SAT1: variants seen among roughly 807,000 people sequenced by gnomAD.
SAT1 encodes the protein diamine acetyltransferase 1.
A neutral mutation model predicts 14.7 loss-of-function variants in SAT1; 1 was observed. The ratio of observed to expected loss-of-function variants is 0.07; its 90% CI spans 0.02 to 0.32. The LOEUF (loss-of-function observed/expected upper bound fraction) is 0.32, where lower values mean the gene tolerates loss of function less well. SAT1 is among the 10% of genes least tolerant of loss of function. SAT1 has a pLI of 1.00. For missense variants in SAT1, 77 were observed against 129.1 expected (o/e 0.60, Z 1.96); for synonymous variants, 67 against 46.1 (o/e 1.45, Z -1.84).
chrX:23,783,726 G>C lies in SAT1; in HGVS notation c.118+17G>C, dbSNP rs781758000. 2.5e-6 allele frequency: 3 copies of C among 1,208,305 alleles called. No homozygotes were observed. The highest frequency in any genetic ancestry group is 3.4e-6 in the Non-Finnish European group (3 of 892,908). On this transcript the variant is annotated intron_variant, in intron 2 of 5. Transcript: ENST00000379270. ...CTGAAAAAGGTAATTCAACAGTGGC[G>C]GGACGGGGGACAAGCGTTCGGTGCC...
rs1257057710 is a variant in SAT1, at chrX:23,785,105, T to C, written c.203-223T>C. The C allele has an allele frequency of 9.4e-6, 4 of 426,683 alleles. No homozygotes were observed. In the African/African-American group the frequency reaches 9.9e-5, roughly 11 times the overall value. The allele number at this position is 426,683 out of a possible 1,213,427, so 35.2% of individuals were successfully genotyped here. ...CAGTTGTAGCCTGACTTCAGTGAGT[T>C]CTGATGTGTGCTTTTTGCAAATACA... On this transcript the variant is annotated intron_variant, in intron 3 of 5. Transcript: ENST00000379270.
chrX:23,784,146 AT>A, intron 3 of SAT1: 1 of 1,023,018 alleles, frequency 9.8e-7, no homozygotes, highest in Non-Finnish European at 1.3e-6. Flanking sequence ...TTAAGTAAGT[AT>A]AAGTGCTGTG....
At chrX:23,784,521 T>G (rs1270919053) in intron 3 of SAT1, 1 of 123,487 alleles carries the variant, frequency 8.1e-6, no homozygotes, top group Non-Finnish European at 1.5e-5. Flanking sequence ...TTGAAACCTT[T>G]GCCTCCATTT....
At chrX:23,783,579 C>CCAAAACCG in intron 1 of SAT1, 79 bp from the exon 2 acceptor site, 1 of 770,320 alleles carries the variant, frequency 1.3e-6, no homozygotes, top group Non-Finnish European at 1.9e-6. Flanking sequence ...CCGCCCGCCC[C>CCAAAACCG]ATTCCGTTCC....
intron 1 of SAT1, 91 bp from the exon 2 acceptor site, chrX:23,783,563 CCCCG>C (rs1569213511): frequency 3.7e-5 from 23 of 623,816 alleles, no homozygotes; most frequent in African/African-American, 1.1e-4. Flanking sequence ...TCGGCCGCCA[CCCCG>C]CCCGCCCGCC....
rs1165094070 is a variant in SAT1, at chrX:23,785,508, C to G, written c.305-12C>G. Reference sequence around the variant, plus strand: ...TTACAATGACTTTTTAAATTGTACTCTTTCTTTTTAGGCTTTGGCATAGGA... The same window carrying G: ...TTACAATGACTTTTTAAATTGTACTGTTTCTTTTTAGGCTTTGGCATAGGA... On this transcript the variant is annotated splice_polypyrimidine_tract_variant and intron_variant, in intron 4 of 5. Transcript: ENST00000379270. The G allele has an allele frequency of 2.5e-6, 3 of 1,203,257 alleles. No homozygotes were observed. Among genetic ancestry groups the G allele is most frequent in the Non-Finnish European group, 3.4e-6 (3 of 888,895 alleles).
rs1464363741 is a variant in SAT1 at position 23,785,356 on chromosome X, C to G, written c.231C>G (p.Tyr77Ter). ...ACAGCATTGTTGGTTTTGCCATGTA[C>G]TATTTTACCTATGACCCGTGGATTG... is the stretch of plus-strand genomic sequence containing the variant. Reference protein sequence around the residue: ...EGHSIVGFAMYYFTYDPWIGK... With the variant: ...EGHSIVGFAM Residue 77 changes from tyrosine to a stop codon, truncating the protein, a stop_gained, in exon 4 of 6, where the codon TAC becomes TAG. Coordinates refer to ENST00000379270, the MANE Select transcript of SAT1 (RefSeq NM_002970.4). LOFTEE classifies it high-confidence loss of function. 8.3e-7 allele frequency: 1 copy of G among 1,204,708 alleles called. No homozygotes were observed. The highest frequency in any genetic ancestry group is 1.1e-6 in the Non-Finnish European group (1 of 890,042).
At chrX:23,784,462 C>A in intron 3 of SAT1, 2 of 247,292 alleles carry the variant, frequency 8.1e-6, no homozygotes, top group Non-Finnish European at 1.1e-5. Flanking sequence ...CTATGATACT[C>A]GCTTCCTGTC....
intron 3 of SAT1, 101 bp downstream of exon 3, chrX:23,783,984 G>A (rs1922615061): frequency 1.7e-6 from 2 of 1,184,876 alleles, no homozygotes; most frequent in Non-Finnish European, 2.3e-6. Flanking sequence ...AAGTTACTGA[G>A]AACTTGGACA....
Position 23,785,374 on chromosome X carries a change from G to A in SAT1, c.249G>A (p.Pro83=), listed in dbSNP as rs369343665. The A allele has an allele frequency of 8.4e-5, 101 of 1,207,484 alleles. No homozygotes were observed. The highest frequency in any genetic ancestry group is 6.7e-4 in the South Asian group (38 of 56,832). ...GFAMYYFTYD[P]WIGKLLYLED... ...CCATGTACTATTTTACCTATGACCC[G>A]TGGATTGGCAAGTTATTGTATCTTG... is the stretch of plus-strand genomic sequence containing the variant. The change falls in exon 4 of 6, where the codon CCG becomes CCA. Residue 83 remains proline (P), a synonymous_variant. Transcript: ENST00000379270.
Position 23,785,572 on chromosome X carries a change from T to G in SAT1, c.345+12T>G. ...AGAATCTAAGCCAGGTATGTCTTAGTTTTTGGTTTCCAAATTTGTAAGTTT... is the reference window on the plus strand; with the variant it reads ...AGAATCTAAGCCAGGTATGTCTTAGGTTTTGGTTTCCAAATTTGTAAGTTT... On this transcript the variant is annotated intron_variant, in intron 5 of 5. Coordinates refer to ENST00000379270, the MANE Select transcript of SAT1 (RefSeq NM_002970.4). 2 of 1,201,757 alleles carry G rather than the reference T, an allele frequency of 1.7e-6. No individual in the cohort carries two copies. The highest frequency in any genetic ancestry group is 2.3e-6 in the Non-Finnish European group (2 of 886,876).
chrX:23,783,777 G>T (rs1404253236), intron 2 of SAT1, 23 bp from the exon 3 acceptor site: 3 of 1,211,116 alleles, frequency 2.5e-6, no homozygotes, highest in African/African-American at 3.5e-5. Flanking sequence ...GGCCATTACC[G>T]CCCCTGCTCC....
At chrX:23,783,582 T>TCCCTTC in intron 1 of SAT1, 76 bp from the exon 2 acceptor site, 10 of 531,847 alleles carry the variant, frequency 1.9e-5, no homozygotes, top group African/African-American at 2.4e-5. Flanking sequence ...CCCGCCCCAT[T>TCCCTTC]CCGTTCCCCT....
intron 5 of SAT1, 30 bp downstream of exon 5, chrX:23,785,590 G>GT: frequency 1.7e-6 from 2 of 1,194,372 alleles, no homozygotes; most frequent in South Asian, 1.8e-5. Flanking sequence ...TTCCAAATTT[G>GT]TAAGTTTACT....
chrX:23,783,578 C>T, intron 1 of SAT1, 80 bp from the exon 2 acceptor site: 2 of 761,164 alleles, frequency 2.6e-6, no homozygotes, highest in Non-Finnish European at 3.8e-6. Flanking sequence ...CCCGCCCGCC[C>T]CATTCCGTTC....
chrX:23,785,401 G>A lies in SAT1; in HGVS notation c.276G>A (p.Glu92=), dbSNP rs768149528. The A allele has an allele frequency of 1.7e-5, 21 of 1,202,256 alleles. No homozygotes were observed. The highest frequency in any genetic ancestry group is 2.4e-5 in the Non-Finnish European group (21 of 887,935). ...GGATTGGCAAGTTATTGTATCTTGA[G>A]GACTTCTTCGTGATGAGTGATTATA... is the stretch of plus-strand genomic sequence containing the variant. ...DPWIGKLLYL[E]DFFVMSDYRG... is the part of the protein sequence containing the mutation. Residue 92 remains glutamate, a synonymous_variant, in exon 4 of 6, where the codon GAG becomes GAA. Transcript: ENST00000379270.
intron 3 of SAT1, 147 bp downstream of exon 3, chrX:23,784,030 A>T (rs745565799): frequency 1.2e-6 from 1 of 849,244 alleles, no homozygotes; most frequent in Non-Finnish European, 1.6e-6. Flanking sequence ...ACTACTGAGG[A>T]AAAAAAAAAA....
intron 3 of SAT1, chrX:23,784,154 T>C: frequency 2.0e-6 from 2 of 979,477 alleles, no homozygotes; most frequent in East Asian, 3.7e-5. Flanking sequence ...GTATAAGTGC[T>C]GTGGAGACCC....
Position 23,783,719 on chromosome X carries a change from CA to C in SAT1, c.118+11del. 2 of 1,209,662 alleles carry C rather than the reference CA, an allele frequency of 1.7e-6. No individual in the cohort carries two copies. Among genetic ancestry groups the C allele is most frequent in the Non-Finnish European group, 2.2e-6 (2 of 893,967 alleles). On this transcript the variant is annotated intron_variant, in intron 2 of 5. Transcript: ENST00000379270. Reference sequence around the variant, plus strand: ...ATCTTAACTGAAAAAGGTAATTCAACAGTGGCGGGACGGGGGACAAGCGTTC... The same window carrying C: ...ATCTTAACTGAAAAAGGTAATTCAACGTGGCGGGACGGGGGACAAGCGTTC...
Sources: gnomAD v4.1 joint callset for allele counts on GRCh38, gnomAD v4.1.1 for gene constraint, MANE v1.5 for transcripts, NCBI Gene and HGNC (gene_info 2026-07-23, HGNC 2026-07-21) for gene names.